GALNT9: variants seen among roughly 807,000 people sequenced by gnomAD.
GALNT9 encodes the protein polypeptide N-acetylgalactosaminyltransferase 9.
Under a neutral mutation model 63.1 loss-of-function variants are expected in GALNT9, and 47 were observed. That is an observed-to-expected ratio of 0.75 (90% CI 0.59 to 0.95). The LOEUF (loss-of-function observed/expected upper bound fraction) is 0.95, where lower values mean the gene tolerates loss of function less well. Ranked by LOEUF, GALNT9 falls within the 40% of genes least tolerant of loss-of-function variation. The pLI is 0.00. For synonymous variants in GALNT9, 396 were observed against 365.7 expected, an observed-to-expected ratio of 1.08 and a Z score of -0.94; for missense variants, 829 against 874.8, an observed-to-expected ratio of 0.95 and a Z score of 0.66.
chr12:132,294,847 C>T (rs961727311), intron 1 of GALNT9, among the ~76,000 whole-genome samples: 2 of 152,216 alleles, frequency 1.3e-5, no homozygotes, highest in Admixed American at 1.3e-4. Flanking sequence ...GGAAGGTTGC[C>T]GTGGGCGCCT....
chr12:132,306,224 G>A (rs1488861467), intron 1 of GALNT9, among the ~76,000 whole-genome samples: 2 of 152,252 alleles, frequency 1.3e-5, no homozygotes. Context: ...GTGTGAGGGC[G>A]CCGGCACCTG....
intron 1 of GALNT9, among the ~76,000 whole-genome samples, chr12:132,311,362 AC>A (rs1460910627): frequency 6.6e-6 from 1 of 152,160 alleles, no homozygotes; most frequent in African/African-American, 2.4e-5. Flanking sequence ...GGTCCAAGCA[AC>A]CATCAAGGCC....
rs1555242234 is a variant in GALNT9 at position 132,286,580 on chromosome 12, G to A, written c.239-150C>T. 7 of 1,309,086 alleles carry A rather than the reference G, an allele frequency of 5.3e-6. No homozygotes were observed. Among genetic ancestry groups the A allele is most frequent in the Admixed American group, 5.7e-5 (2 of 34,892 alleles). 81.1% of individuals were successfully genotyped at this position (1,309,086 alleles called of 1,614,324 possible). On this transcript the variant is annotated intron_variant, in intron 1 of 10. Transcript: ENST00000328957. The surrounding 1 kb of genome is among the most constrained non-coding windows in gnomAD (Gnocchi z 7.4). ...TGCAGATGGCAGGCTGCCAGCTCAG[G>A]ACATTCCAGAAAGTGCAAGGCTGTG... is the stretch of plus-strand genomic sequence containing the variant.
chr12:132,274,844 G>A (rs1880016836), intron 2 of GALNT9: 2 of 152,464 alleles, frequency 1.3e-5, no homozygotes, highest in Non-Finnish European at 2.9e-5. Flanking sequence ...CCACACACAC[G>A]CACACATGCA....
At position 132,204,122 on chromosome 12, in the gene GALNT9, C is replaced by G. The variant is rs552886899; in HGVS notation, c.1078-432G>C. On this transcript the variant is annotated intron_variant, in intron 6 of 10. Coordinates refer to ENST00000328957, the MANE Select transcript of GALNT9 (RefSeq NM_001122636.2). ...ACAGCTGCTTGCCATGCAGACACCG[C>G]TCCACGCATCCCCAGAACACACACA... Among the ~76,000 whole-genome samples, 3 of 152,152 alleles carry G rather than the reference C, an allele frequency of 2.0e-5. No homozygotes were observed. In the South Asian group the frequency reaches 6.2e-4, roughly 32 times the overall value.
chr12:132,253,264 G>C (rs904634576), intron 5 of GALNT9, among the ~76,000 whole-genome samples: 1 of 151,960 alleles, frequency 6.6e-6, no homozygotes, highest in Non-Finnish European at 1.5e-5. Flanking sequence ...GGATGACTGC[G>C]GGCAGGCCTG....
intron 6 of GALNT9, among the ~76,000 whole-genome samples, chr12:132,213,085 CGGAAA>C: frequency 1.1e-5 from 1 of 93,136 alleles, no homozygotes; most frequent in African/African-American, 4.0e-5. Flanking sequence ...GACCTCGACA[CGGAAA>C]CCCCACCCGG....
intron 2 of GALNT9, among the ~76,000 whole-genome samples, chr12:132,268,070 C>G (rs1555240401): frequency 4.6e-5 from 7 of 151,170 alleles, no homozygotes. Context: ...CACACGCACT[C>G]ACGCAGTCAC....
At position 132,197,864 on chromosome 12, in the gene GALNT9, C is replaced by T. The variant is rs545522475; in HGVS notation, c.1593G>A (p.Thr531=). The T allele has an allele frequency of 7.1e-5, 115 of 1,609,944 alleles. 1 individual carries two copies. Among genetic ancestry groups the T allele is most frequent in the African/African-American group, 1.1e-4 (8 of 75,038 alleles). ...PDSKCLVDDG[T]GRMPTLKKCE... ...ACTTCTTCAGGGTGGGCATGCGGCC[C>T]GTGCCGTCATCCACCAGACACTTGG... The change falls in exon 10 of 11, where the codon ACG becomes ACA. Residue 531 remains threonine (T), a synonymous_variant. Coordinates refer to ENST00000328957, the MANE Select transcript of GALNT9 (RefSeq NM_001122636.2).
rs2136896372 is a variant in GALNT9, at chr12:132,238,987, G to A, written c.1077+8923C>T. Among the ~76,000 whole-genome samples, 6 of 152,216 alleles carry A rather than the reference G, an allele frequency of 3.9e-5. No individual in the cohort carries two copies. The highest frequency in any genetic ancestry group is 6.5e-5 in the Admixed American group (1 of 15,284). ...ATACCACAGTCTGGAAGGCTTTGTC[G>A]TCTGATGGCCGCTCGAAAGGTGAGA... is the stretch of plus-strand genomic sequence containing the variant. On this transcript the variant is annotated intron_variant, in intron 6 of 10. Coordinates refer to ENST00000328957, the MANE Select transcript of GALNT9 (RefSeq NM_001122636.2). This position sits in a 1 kb window ranked among gnomAD's most constrained non-coding sequence, Gnocchi z 6.5.
rs1566016697 is a variant in GALNT9 at position 132,296,000 on chromosome 12, G to GGACAGGGACGGCCTCC, written c.239-9571_239-9570insGGAGGCCGTCCCTGTC. On this transcript the variant is annotated intron_variant, in intron 1 of 10. Coordinates refer to ENST00000328957, the MANE Select transcript of GALNT9 (RefSeq NM_001122636.2). The stretch of plus-strand genomic sequence containing the variant: ...GAGCCTCCAAACAGGGACGGCCTCC[G>GGACAGGGACGGCCTCC]GAACAGGGAGAGCCTCCGGAACAGG... Among the ~76,000 whole-genome samples the GGACAGGGACGGCCTCC allele has an allele frequency of 4.2e-4, 57 of 135,038 alleles. 11 individuals are homozygous for GGACAGGGACGGCCTCC. Among genetic ancestry groups the GGACAGGGACGGCCTCC allele is most frequent in the African/African-American group, 1.5e-3 (54 of 36,700 alleles). The allele number at this position is 135,038 out of a possible 152,430, so 88.6% of individuals were successfully genotyped here. A position where few individuals can be genotyped will look rare whatever the true frequency, so the allele number is the denominator to read the frequency against.
intron 6 of GALNT9, among the ~76,000 whole-genome samples, chr12:132,224,634 CA>C: frequency 1.4e-5 from 2 of 140,890 alleles, no homozygotes; most frequent in East Asian, 2.2e-4. Flanking sequence ...CCCATATACA[CA>C]CCCCAGCGTA....
chr12:132,234,754 A>G (rs1177807635), intron 6 of GALNT9, among the ~76,000 whole-genome samples: 2 of 20,036 alleles, frequency 1.0e-4, no homozygotes. Flanking sequence ...TGGAGTCCCT[A>G]GTGCCACACA....
rs1389117597 is a variant in GALNT9 at position 132,317,999 on chromosome 12, G to T, written c.238+10967C>A. Among the ~76,000 whole-genome samples the T allele has an allele frequency of 2.0e-5, 3 of 152,214 alleles. No homozygotes were observed. The East Asian group carries it at 5.8e-4, about 29-fold the overall frequency. ...CTCATGCCTGCAATCCCAGCACTTT[G>T]AGAGGCTGAGGAAGGTGGATCACTT... On this transcript the variant is annotated intron_variant, in intron 1 of 10. Coordinates refer to ENST00000328957, the MANE Select transcript of GALNT9 (RefSeq NM_001122636.2).
chr12:132,204,300 G>A (rs934990879), intron 6 of GALNT9, among the ~76,000 whole-genome samples: 5 of 152,064 alleles, frequency 3.3e-5, no homozygotes, highest in African/African-American at 4.8e-5. Context: ...CTTCCTATAC[G>A]TGCTCTTTCA....
chr12:132,198,451 T>TGGGCCC (rs1875721270), intron 9 of GALNT9, among the ~76,000 whole-genome samples: 2 of 151,934 alleles, frequency 1.3e-5, no homozygotes, highest in East Asian at 3.9e-4. Flanking sequence ...GGGCTGGGCC[T>TGGGCCC]GGGCCTGTGC....
chr12:132,209,168 C>CT (rs1481869119), intron 6 of GALNT9, among the ~76,000 whole-genome samples: 1 of 152,052 alleles, frequency 6.6e-6, no homozygotes, highest in Admixed American at 6.6e-5. Context: ...TGAAGGCACT[C>CT]TAAGTCACAG....
At chr12:132,313,417 C>A (rs1337964256) in intron 1 of GALNT9, among the ~76,000 whole-genome samples, 1 of 149,998 alleles carries the variant, frequency 6.7e-6, no homozygotes, top group Admixed American at 6.6e-5. Flanking sequence ...ATGTATCCAC[C>A]CTTCTACCCA....
chr12:132,304,998 C>G (rs1289880358), intron 1 of GALNT9, among the ~76,000 whole-genome samples: 1 of 30,410 alleles, frequency 3.3e-5, no homozygotes, highest in Non-Finnish European at 5.7e-5. Context: ...CACCCTCACC[C>G]GGGCACATCC....
Sources: allele counts gnomAD v4.1 joint callset (sites outside exome capture counted in the v4.1 genomes callset), GRCh38; gene constraint gnomAD v4.1.1; non-coding constraint Gnocchi (gnomAD v3.1); transcripts MANE v1.5; gene names NCBI Gene and HGNC (gene_info 2026-07-23, HGNC 2026-07-21).